The following MAST2 variants were observed in gnomAD, a reference collection of about 807,000 sequenced individuals.
MAST2 encodes the protein microtubule-associated serine/threonine-protein kinase 2.
In MAST2, 70 loss-of-function variants were observed where a neutral mutation model predicts 147.4. That is an observed-to-expected ratio of 0.47 (90% CI 0.39 to 0.58). The LOEUF (loss-of-function observed/expected upper bound fraction) is 0.58, where lower values mean the gene tolerates loss of function less well. MAST2 is among the 20% of genes least tolerant of loss of function. MAST2 has a pLI of 0.00. For synonymous variants in MAST2, 869 were observed against 896.8 expected, an observed-to-expected ratio of 0.97 and a Z score of 0.55; for missense variants, 2,080 against 2,302.3, an observed-to-expected ratio of 0.90 and a Z score of 1.98.
At chr1:46,018,112 C>A (rs1646034491) in intron 10 of MAST2, among the ~76,000 whole-genome samples, 3 of 152,166 alleles carry the variant, frequency 2.0e-5, no homozygotes, top group Admixed American at 2.0e-4. Flanking sequence ...CCCCAGTTGT[C>A]AATTCACTGT....
Position 46,003,874 on chromosome 1 carries a change from C to T in MAST2, c.747+991C>T, listed in dbSNP as rs566277435. On this transcript the variant is annotated intron_variant, in intron 7 of 28. Coordinates refer to ENST00000361297, the MANE Select transcript of MAST2 (RefSeq NM_015112.3). ...CTTTGAAGGCCATACAGAAGCAGGC[C>T]GTAGACCTGCTGACCCCATCCCCAT... is the stretch of plus-strand genomic sequence containing the variant. Among the ~76,000 whole-genome samples the T allele has an allele frequency of 8.5e-5, 13 of 152,256 alleles. No homozygotes were observed. The South Asian group carries it at 1.2e-3, about 15-fold the overall frequency.
chr1:45,879,447 C>T (rs904489071), intron 3 of MAST2, among the ~76,000 whole-genome samples: 3 of 151,744 alleles, frequency 2.0e-5, no homozygotes, highest in Non-Finnish European at 4.4e-5. Flanking sequence ...GTGATGGGTG[C>T]CTGTAATCCC....
chr1:45,868,971 T>G (rs1465631968), intron 3 of MAST2, among the ~76,000 whole-genome samples: 1 of 152,238 alleles, frequency 6.6e-6, no homozygotes, highest in East Asian at 1.9e-4. Flanking sequence ...TTTCATCAAG[T>G]CAGTAAATTA....
intron 3 of MAST2, among the ~76,000 whole-genome samples, chr1:45,862,856 A>G (rs753044265): frequency 1.1e-4 from 17 of 152,174 alleles, no homozygotes; most frequent in Non-Finnish European, 2.1e-4. Context: ...TAGTGACCAA[A>G]TGGCACTTCC....
intron 3 of MAST2, among the ~76,000 whole-genome samples, chr1:45,860,201 T>TACACACACACAC (rs777498021): frequency 6.9e-6 from 1 of 144,034 alleles, no homozygotes; most frequent in African/African-American, 2.6e-5. Flanking sequence ...CTACTAAAAA[T>TACACACACACAC]ACACACACAC....
intron 3 of MAST2, among the ~76,000 whole-genome samples, chr1:45,872,930 C>T (rs1646455896): frequency 1.3e-5 from 2 of 152,044 alleles, no homozygotes; most frequent in South Asian, 4.1e-4. Context: ...TTATTTTGTT[C>T]AATATAGTCA....
chr1:45,819,793 A>G (rs935248994), intron 1 of MAST2, among the ~76,000 whole-genome samples: 1 of 152,222 alleles, frequency 6.6e-6, no homozygotes, highest in African/African-American at 2.4e-5. Context: ...ATTCAATACA[A>G]TCCATATTCA....
At chr1:45,869,702 A>C (rs955337063) in intron 3 of MAST2, among the ~76,000 whole-genome samples, 1 of 152,164 alleles carries the variant, frequency 6.6e-6, no homozygotes. Context: ...TTTGCATTTT[A>C]AAAAATGTTT....
intron 4 of MAST2, among the ~76,000 whole-genome samples, chr1:45,921,411 T>C (rs1288977153): frequency 6.6e-6 from 1 of 152,194 alleles, no homozygotes; most frequent in Non-Finnish European, 1.5e-5. Flanking sequence ...TGCTCAGGCC[T>C]GCTGGGCCCA....
chr1:45,997,853 G>A (rs1266148724), intron 6 of MAST2, 54 bp downstream of exon 6: 2 of 1,420,022 alleles, frequency 1.4e-6, no homozygotes, highest in Middle Eastern at 1.8e-4. Flanking sequence ...CTTGCATGAG[G>A]GTTAATTGAA....
chr1:46,021,973 C>A lies in MAST2; in HGVS notation c.1314C>A (p.Tyr438Ter). Residue 438 changes from tyrosine to a stop codon, truncating the protein, a stop_gained, in exon 12 of 29, where the codon TAC becomes TAA. Transcript: ENST00000361297. LOFTEE classifies it high-confidence loss of function. ...ECLEFDPEEFYHLLEAAEGHA... is the reference protein window; with the variant it reads ...ECLEFDPEEF ...AGGAGTTTGACCCTGAAGAGTTCTA[C>A]CACCTTTTAGAAGCAGCTGAGGGCC... 6.2e-7 allele frequency: 1 copy of A among 1,614,204 alleles called. No homozygotes were observed. Among genetic ancestry groups the A allele is most frequent in the Non-Finnish European group, 8.5e-7 (1 of 1,180,038 alleles).
intron 3 of MAST2, among the ~76,000 whole-genome samples, chr1:45,866,206 C>T (rs983496072): frequency 4.6e-5 from 7 of 152,092 alleles, no homozygotes; most frequent in Admixed American, 2.6e-4. Context: ...ATTCAGAGCC[C>T]GTAGGGAGAA....
intron 5 of MAST2, among the ~76,000 whole-genome samples, chr1:45,973,440 T>C (rs1409538682): frequency 6.6e-6 from 1 of 152,250 alleles, no homozygotes; most frequent in Non-Finnish European, 1.5e-5. Context: ...TCCTGGGACC[T>C]TTAATCCTTG....
intron 1 of MAST2, among the ~76,000 whole-genome samples, chr1:45,804,452 T>C (rs1297536750): frequency 6.6e-6 from 1 of 152,198 alleles, no homozygotes; most frequent in Non-Finnish European, 1.5e-5. Context: ...AGTGTTATCC[T>C]GTTTTCTAGA....
At chr1:45,901,314 T>G (rs1419147719) in intron 4 of MAST2, among the ~76,000 whole-genome samples, 4 of 152,142 alleles carry the variant, frequency 2.6e-5, no homozygotes, top group Non-Finnish European at 5.9e-5. Context: ...TTACTGTAGG[T>G]GTATGGATTG....
In MAST2 at chr1:45,907,463, CT is replaced by C. The variant is rs59039717; in HGVS notation, c.500+25084del. 1.7e-3 allele frequency among the ~76,000 whole-genome samples: 243 copies of C among 140,834 alleles called. 1 individual carries two copies. The highest frequency in any genetic ancestry group is 0.011 in the East Asian group (52 of 4,866). The allele number at this position is 140,834 out of a possible 152,430, so 92.4% of individuals were successfully genotyped here. ...TATATAACAAAATTTGCCATTTTAACTTTTTTTTTTTTTTTTGAGAGAGTCT... is the reference window on the plus strand; with the variant it reads ...TATATAACAAAATTTGCCATTTTAACTTTTTTTTTTTTTTTGAGAGAGTCT... On this transcript the variant is annotated intron_variant, in intron 4 of 28. Transcript: ENST00000361297.
chr1:46,032,420 C>T lies in MAST2; in HGVS notation c.3414+16C>T. 6.2e-7 allele frequency: 1 copy of T among 1,612,614 alleles called. No homozygotes were observed. The highest frequency in any genetic ancestry group is 8.5e-7 in the Non-Finnish European group (1 of 1,178,798). On this transcript the variant is annotated intron_variant, in intron 25 of 28. Transcript: ENST00000361297. The stretch of plus-strand genomic sequence containing the variant: ...TATGGTGTGGGTATGTCTGACCATC[C>T]AGACCTGCTGTCTCCCTGCTTCATC...
chr1:45,804,583 A>G (rs1213712669), intron 1 of MAST2, among the ~76,000 whole-genome samples: 1 of 152,154 alleles, frequency 6.6e-6, no homozygotes, highest in Non-Finnish European at 1.5e-5. Context: ...CCAACCATCT[A>G]TTTCACAAGA....
intron 5 of MAST2, among the ~76,000 whole-genome samples, chr1:45,976,798 A>T (rs915128412): frequency 1.3e-5 from 2 of 152,226 alleles, no homozygotes; most frequent in South Asian, 4.1e-4. Context: ...AGATTAAATC[A>T]GTGGCATGTG....
Sources: allele counts gnomAD v4.1 joint callset (sites outside exome capture counted in the v4.1 genomes callset), GRCh38; gene constraint gnomAD v4.1.1; transcripts MANE v1.5; gene names NCBI Gene and HGNC (gene_info 2026-07-23, HGNC 2026-07-21).